Variants in SLIT1 observed in about 807,000 individuals in gnomAD.
SLIT1 encodes slit guidance ligand 1.
Under a neutral mutation model 186.1 loss-of-function variants are expected in SLIT1, and 66 were observed. The ratio of observed to expected loss-of-function variants is 0.35; its 90% CI spans 0.29 to 0.44. The LOEUF is 0.44. Ranked by LOEUF, SLIT1 falls within the 20% of genes least tolerant of loss-of-function variation. The probability of loss-of-function intolerance (pLI) is 1.00; values close to 1 mark genes in which losing one functional copy is unlikely to be tolerated. For synonymous variants in SLIT1, 761 were observed against 833.8 expected (o/e 0.91, Z 1.50); for missense variants, 1,638 against 2,037.4 (o/e 0.80, Z 3.77).
At chr10:97,175,790 G>A (rs974778399) in intron 1 of SLIT1, among the ~76,000 whole-genome samples, 1 of 151,940 alleles carries the variant, frequency 6.6e-6, no homozygotes, top group African/African-American at 2.4e-5. Flanking sequence ...GCAGGCCCCT[G>A]GGAGGCCACC....
At chr10:97,094,249 T>C (rs1318726673) in intron 4 of SLIT1, among the ~76,000 whole-genome samples, 2 of 152,278 alleles carry the variant, frequency 1.3e-5, no homozygotes, top group Non-Finnish European at 2.9e-5. Flanking sequence ...TGCCAGGCCA[T>C]AGGGGACCTT....
intron 4 of SLIT1, among the ~76,000 whole-genome samples, chr10:97,087,752 G>C (rs764882712): frequency 1.1e-4 from 17 of 152,148 alleles, no homozygotes; most frequent in Non-Finnish European, 2.4e-4. Flanking sequence ...TCCACTCTAA[G>C]CTTGAGCTCC....
chr10:97,090,143 C>T (rs1849214714), intron 4 of SLIT1, among the ~76,000 whole-genome samples: 4 of 152,212 alleles, frequency 2.6e-5, no homozygotes, highest in African/African-American at 9.6e-5. Flanking sequence ...GAGCTCCATG[C>T]TTCCATCCCA....
chr10:97,100,925 G>T (rs534402036), intron 4 of SLIT1, among the ~76,000 whole-genome samples: 7 of 152,160 alleles, frequency 4.6e-5, no homozygotes, highest in African/African-American at 1.4e-4. Context: ...TTCTAGGGAC[G>T]GTGCAGACGC....
chr10:97,003,084 C>T (rs981403575), intron 34 of SLIT1, 92 bp from the exon 35 acceptor site: 3 of 1,268,418 alleles, frequency 2.4e-6, no homozygotes, highest in Non-Finnish European at 3.3e-6. Context: ...CATGGCCTTC[C>T]CTCTTGCCTG....
At position 97,046,679 on chromosome 10, in the gene SLIT1, G is replaced by C. The variant is rs776229210; in HGVS notation, c.1828C>G (p.Arg610Gly). Residue 610 changes from arginine (R) to glycine (G), a missense_variant, in exon 18 of 37, where the codon CGG becomes GGG. Transcript: ENST00000266058. ...AGGGTCCTCAAGCCATCCAGACCCC[G>C]GAACATGCCGCTCCGGATGGACTCC... ...QLESIRSGMF[R>G]GLDGLRTLML... 3.1e-6 allele frequency: 5 copies of C among 1,610,000 alleles called. No individual in the cohort carries two copies. Among genetic ancestry groups the C allele is most frequent in the Non-Finnish European group, 4.2e-6 (5 of 1,179,960 alleles).
intron 1 of SLIT1, among the ~76,000 whole-genome samples, chr10:97,179,683 C>T (rs984080040): frequency 2.6e-5 from 4 of 152,212 alleles, no homozygotes; most frequent in Non-Finnish European, 5.9e-5. Context: ...CCTCTCTCAA[C>T]GACGCTATGC....
At chr10:97,029,882 A>C (rs988358050) in intron 25 of SLIT1, among the ~76,000 whole-genome samples, 1 of 152,162 alleles carries the variant, frequency 6.6e-6, no homozygotes, top group Non-Finnish European at 1.5e-5. Context: ...GAATCATACA[A>C]TATTCGTCCT....
intron 4 of SLIT1, among the ~76,000 whole-genome samples, chr10:97,140,608 G>A (rs1274961960): frequency 6.6e-6 from 1 of 152,148 alleles, no homozygotes; most frequent in African/African-American, 2.4e-5. Flanking sequence ...TCGGCCGACA[G>A]AAGGGCCTTT....
intron 22 of SLIT1, among the ~76,000 whole-genome samples, chr10:97,037,485 C>T (rs1019851258): frequency 2.0e-5 from 3 of 152,066 alleles, no homozygotes; most frequent in African/African-American, 7.2e-5. Context: ...GGAGGCAGGT[C>T]CAACCCAACA....
At chr10:97,005,900 A>C (rs1848355939) in intron 32 of SLIT1, among the ~76,000 whole-genome samples, 1 of 152,190 alleles carries the variant, frequency 6.6e-6, no homozygotes, top group African/African-American at 2.4e-5. Flanking sequence ...ACTACAGAGG[A>C]GTTTAACATT....
intron 4 of SLIT1, among the ~76,000 whole-genome samples, chr10:97,141,761 C>CGTATTGTATCGTACT (rs1464059599): frequency 4.0e-5 from 6 of 148,862 alleles, no homozygotes; most frequent in Non-Finnish European, 8.9e-5. Context: ...CGTATCGTAT[C>CGTATTGTATCGTACT]GTATTGTATC....
At position 97,006,258 on chromosome 10, in the gene SLIT1, G is replaced by C. The variant is rs1189296598; in HGVS notation, c.3579+225C>G. On this transcript the variant is annotated intron_variant, in intron 32 of 36. Transcript: ENST00000266058. This position sits in a 1 kb window ranked among gnomAD's most constrained non-coding sequence, Gnocchi z 4.0. The stretch of plus-strand genomic sequence containing the variant: ...TGGTTTTCTGGATTCAGTTACCCAT[G>C]AGACCATGTCCACCCCTGCCCTGGT... Among the ~76,000 whole-genome samples, 1 of 152,228 alleles carries C rather than the reference G, an allele frequency of 6.6e-6. No homozygotes were observed. Among genetic ancestry groups the C allele is most frequent in the African/African-American group, 2.4e-5 (1 of 41,460 alleles).
intron 32 of SLIT1, among the ~76,000 whole-genome samples, chr10:97,005,064 G>A (rs899000388): frequency 2.6e-5 from 4 of 152,162 alleles, no homozygotes; most frequent in Non-Finnish European, 4.4e-5. Context: ...AGGGTGATGG[G>A]TCCCTGAGGC....
rs1850376822 is a variant in SLIT1 at position 97,184,018 on chromosome 10, C to CCCCA, written c.197+1459_197+1460insTGGG. 7.0e-6 allele frequency among the ~76,000 whole-genome samples: 1 copy of CCCCA among 142,476 alleles called. No individual in the cohort carries two copies. The highest frequency in any genetic ancestry group is 1.5e-5 in the Non-Finnish European group (1 of 65,686). 93.5% of individuals were successfully genotyped at this position (142,476 alleles called of 152,430 possible). A position where few individuals can be genotyped will look rare whatever the true frequency, so the allele number is the denominator to read the frequency against. Reference sequence around the variant, plus strand: ...ATTCACACACACACATACACATGCACCACACACACACACACACACACACAC... The same window carrying CCCCA: ...ATTCACACACACACATACACATGCACCCCACACACACACACACACACACACACAC... On this transcript the variant is annotated intron_variant, in intron 1 of 36. Transcript: ENST00000266058. This position sits in a 1 kb window ranked among gnomAD's most constrained non-coding sequence, Gnocchi z 4.4.
intron 4 of SLIT1, among the ~76,000 whole-genome samples, chr10:97,112,867 T>C (rs1849477131): frequency 6.6e-6 from 1 of 152,038 alleles, no homozygotes; most frequent in Admixed American, 6.5e-5. Flanking sequence ...CTAAAGTTTG[T>C]ATTTTTTGTA....
chr10:97,051,990 A>G (rs1472587341), intron 13 of SLIT1, among the ~76,000 whole-genome samples: 3 of 152,204 alleles, frequency 2.0e-5, no homozygotes, highest in Non-Finnish European at 1.5e-5. Flanking sequence ...GGCGATCAAA[A>G]GGAACAAAGT....
chr10:97,072,317 C>T (rs140218925), intron 4 of SLIT1, among the ~76,000 whole-genome samples: 1 of 152,290 alleles, frequency 6.6e-6, no homozygotes, highest in African/African-American at 2.4e-5. Context: ...TGCTACCATG[C>T]CTGGCTAATT....
intron 22 of SLIT1, among the ~76,000 whole-genome samples, chr10:97,035,882 A>G (rs1050209838): frequency 3.3e-4 from 50 of 152,154 alleles, no homozygotes; most frequent in African/African-American, 1.1e-3. Flanking sequence ...CTGCCCACCA[A>G]TGAACTCCAG....
Sources: gnomAD v4.1 joint callset for allele counts (sites outside exome capture counted in the v4.1 genomes callset) on GRCh38, gnomAD v4.1.1 for gene constraint, Gnocchi (gnomAD v3.1) non-coding constraint, MANE v1.5 for transcripts, NCBI Gene and HGNC (gene_info 2026-07-23, HGNC 2026-07-21) for gene names.